Variants in NRG2 observed in about 807,000 individuals in gnomAD.
NRG2 encodes the protein pro-neuregulin-2, membrane-bound isoform.
In NRG2, 27 loss-of-function variants were observed where a neutral mutation model predicts 73.9. The observed-to-expected ratio is 0.37, with a 90% confidence interval of 0.27 to 0.50. The LOEUF (loss-of-function observed/expected upper bound fraction) is 0.50, where lower values mean the gene tolerates loss of function less well. Ranked by LOEUF, NRG2 falls within the 20% of genes least tolerant of loss-of-function variation. The pLI is 0.96. For missense variants in NRG2, 1,126 were observed against 1,210.1 expected, an observed-to-expected ratio of 0.93 and a Z score of 1.03; for synonymous variants, 532 against 541.0, an observed-to-expected ratio of 0.98 and a Z score of 0.23.
chr5:140,021,879 ATC>A (rs1248761697), intron 1 of NRG2, among the ~76,000 whole-genome samples: 1 of 152,198 alleles, frequency 6.6e-6, no homozygotes, highest in African/African-American at 2.4e-5. Context: ...AGAAGGCTCC[ATC>A]CCCAGCCCTC....
At chr5:140,007,988 A>C (rs1477346203) in intron 1 of NRG2, among the ~76,000 whole-genome samples, 1 of 152,158 alleles carries the variant, frequency 6.6e-6, no homozygotes, top group Non-Finnish European at 1.5e-5. Flanking sequence ...TCCTTACAGC[A>C]TCTCAGTCAC....
chr5:139,972,327 C>A (rs1316159116), intron 1 of NRG2, among the ~76,000 whole-genome samples: 1 of 152,144 alleles, frequency 6.6e-6, no homozygotes, highest in Non-Finnish European at 1.5e-5. Flanking sequence ...GTTTATGTCA[C>A]ACAGGAGGAA....
At chr5:139,873,825 G>A (rs1473260369) in intron 3 of NRG2, among the ~76,000 whole-genome samples, 2 of 152,236 alleles carry the variant, frequency 1.3e-5, no homozygotes, top group African/African-American at 4.8e-5. Flanking sequence ...TGCACACTTG[G>A]GCTTCTCACA....
rs1761180282 is a variant in NRG2 at position 139,848,502 on chromosome 5, C to T, written c.1968G>A (p.Pro656=). 2 of 1,365,970 alleles carry T rather than the reference C, an allele frequency of 1.5e-6. No homozygotes were observed. The highest frequency in any genetic ancestry group is 1.9e-6 in the Non-Finnish European group (2 of 1,072,768). The allele number at this position is 1,365,970 out of a possible 1,614,324, so 84.6% of individuals were successfully genotyped here. A position where few individuals can be genotyped will look rare whatever the true frequency, so the allele number is the denominator to read the frequency against. The stretch of plus-strand genomic sequence containing the variant: ...CGGGCCCGGGCCCGGGTCCGGGTCC[C>T]GGGCCGGGGGGCGCCGGGTGCCGCA... ...PLLRHPAPPG[P]GPGPGPGPGP... Residue 656 remains proline (P), a synonymous_variant, in exon 10 of 10, where the codon CCG becomes CCA. Transcript: ENST00000361474.
Position 139,848,272 on chromosome 5 carries a change from G to A in NRG2, c.2198C>T (p.Ser733Phe). The A allele has an allele frequency of 9.0e-7, 1 of 1,114,072 alleles. No individual in the cohort carries two copies. Among genetic ancestry groups the A allele is most frequent in the Non-Finnish European group, 1.1e-6 (1 of 914,322 alleles). The allele number at this position is 1,114,072 out of a possible 1,614,324, so 69.0% of individuals were successfully genotyped here. The part of the protein sequence containing the change: ...PPPRPRARGA[S>F]RRTSAGPRRW... ...CCGGGGCCCCGCCGACGTCCTGCGG[G>A]ACGCACCGCGCGCGCGCGGCCGCGG... Residue 733 changes from serine to phenylalanine, a missense_variant, in exon 10 of 10, where the codon TCC (serine) becomes TTC (phenylalanine). Physicochemically the swap from Ser to Phe is radical, Grantham distance 155 (BLOSUM62 -2). Transcript: ENST00000361474.
At chr5:139,996,994 T>G (rs1286074428) in intron 1 of NRG2, among the ~76,000 whole-genome samples, 1 of 151,294 alleles carries the variant, frequency 6.6e-6, no homozygotes, top group Non-Finnish European at 1.5e-5. Context: ...TACAAAAAAT[T>G]AGCAGGGCAT....
chr5:140,023,012 C>T (rs73262916), intron 1 of NRG2, among the ~76,000 whole-genome samples: 16,188 of 152,186 alleles, frequency 0.11, 1,302 homozygotes, highest in African/African-American at 0.22. Flanking sequence ...CTGCCTCTTC[C>T]CCCAGTTTCC....
chr5:139,989,799 T>TTA (rs1757443462), intron 1 of NRG2, among the ~76,000 whole-genome samples: 1 of 149,294 alleles, frequency 6.7e-6, no homozygotes, highest in East Asian at 1.9e-4. Flanking sequence ...TATTTTTTTA[T>TTA]TTTTTTTTGA....
chr5:139,865,707 A>T lies in NRG2; in HGVS notation c.1113-82T>A. 8.3e-7 allele frequency: 1 copy of T among 1,209,976 alleles called. No individual in the cohort carries two copies. The highest frequency in any genetic ancestry group is 1.4e-5 in the South Asian group (1 of 73,406). The allele number at this position is 1,209,976 out of a possible 1,614,324, so 75.0% of individuals were successfully genotyped here. A position where few individuals can be genotyped will look rare whatever the true frequency, so the allele number is the denominator to read the frequency against. ...AGGTTAGAAATCAAAGTGCACAGTG[A>T]TGAATGAGAAAAACCAAGTCAGGCA... On this transcript the variant is annotated intron_variant, in intron 4 of 9. Transcript: ENST00000361474. This position sits in a 1 kb window ranked among gnomAD's most constrained non-coding sequence, Gnocchi z 5.2.
At chr5:140,036,529 T>C (rs942338184) in intron 1 of NRG2, among the ~76,000 whole-genome samples, 3 of 152,220 alleles carry the variant, frequency 2.0e-5, no homozygotes, top group Non-Finnish European at 4.4e-5. Context: ...TGTTCAAACT[T>C]GTCATAATTT....
At chr5:140,042,339 C>A (rs1761996289) in intron 1 of NRG2, 31 bp downstream of exon 1, 1 of 1,470,752 alleles carries the variant, frequency 6.8e-7, no homozygotes, top group South Asian at 1.4e-5. Flanking sequence ...CCCCTCCCCC[C>A]TTTCTCCAGC....
intron 1 of NRG2, among the ~76,000 whole-genome samples, chr5:139,906,585 G>C: frequency 6.6e-6 from 1 of 152,200 alleles, no homozygotes; most frequent in East Asian, 1.9e-4. Flanking sequence ...TTGGTAAATA[G>C]GTAGTCAGGC....
intron 1 of NRG2, among the ~76,000 whole-genome samples, chr5:139,974,630 T>C (rs1756239723): frequency 6.6e-6 from 1 of 152,192 alleles, no homozygotes; most frequent in African/African-American, 2.4e-5. Flanking sequence ...AGTGAGAGCC[T>C]ACATCATTAA....
At chr5:140,012,271 C>T (rs1359306306) in intron 1 of NRG2, among the ~76,000 whole-genome samples, 2 of 152,216 alleles carry the variant, frequency 1.3e-5, no homozygotes, top group Admixed American at 1.3e-4. Flanking sequence ...TTGTGCTCCC[C>T]CTTACCTTGT....
chr5:139,913,087 T>G (rs1209103151), intron 1 of NRG2, among the ~76,000 whole-genome samples: 1 of 152,182 alleles, frequency 6.6e-6, no homozygotes, highest in African/African-American at 2.4e-5. Context: ...GTGGGGCTGC[T>G]CATGGGAAGT....
At chr5:140,016,477 A>G (rs1021456137) in intron 1 of NRG2, among the ~76,000 whole-genome samples, 1 of 152,216 alleles carries the variant, frequency 6.6e-6, no homozygotes, top group Non-Finnish European at 1.5e-5. Flanking sequence ...GCTGTCATTC[A>G]TTCATAAAAT....
intron 1 of NRG2, among the ~76,000 whole-genome samples, chr5:139,962,677 G>C (rs943249785): frequency 1.1e-4 from 16 of 152,146 alleles, no homozygotes; most frequent in Admixed American, 9.2e-4. Context: ...CAGAAGGCAG[G>C]GAGGAACTGA....
rs925596788 is a variant in NRG2, at chr5:140,025,466, G to A, written c.700+16904C>T. Among the ~76,000 whole-genome samples the A allele has an allele frequency of 2.6e-5, 4 of 152,146 alleles. No homozygotes were observed. The South Asian group carries it at 8.3e-4, about 32-fold the overall frequency. The stretch of plus-strand genomic sequence containing the variant: ...TTCCCTCAGTTAATGTTTATTGAGC[G>A]CCTATTACGCACCAAGTACCATGAA... On this transcript the variant is annotated intron_variant, in intron 1 of 9. Coordinates refer to ENST00000361474, the MANE Select transcript of NRG2 (RefSeq NM_004883.3).
At position 139,915,915 on chromosome 5, in the gene NRG2, G is replaced by T; in HGVS notation, c.701-28404C>A. On this transcript the variant is annotated intron_variant, in intron 1 of 9. Coordinates refer to ENST00000361474, the MANE Select transcript of NRG2 (RefSeq NM_004883.3). The surrounding 1 kb of genome is among the most constrained non-coding windows in gnomAD (Gnocchi z 4.0). Reference sequence around the variant, plus strand: ...ATATTACATTTTGACTGACATGTAGGAAGTCATGGAGATAAGGCTAAAAAG... The same window carrying T: ...ATATTACATTTTGACTGACATGTAGTAAGTCATGGAGATAAGGCTAAAAAG... 6.6e-6 allele frequency among the ~76,000 whole-genome samples: 1 copy of T among 152,166 alleles called. No homozygotes were observed. Among genetic ancestry groups the T allele is most frequent in the Non-Finnish European group, 1.5e-5 (1 of 68,034 alleles).
Sources: gnomAD v4.1 joint callset for allele counts (sites outside exome capture counted in the v4.1 genomes callset) on GRCh38, gnomAD v4.1.1 for gene constraint, Gnocchi (gnomAD v3.1) non-coding constraint, MANE v1.5 for transcripts, NCBI Gene and HGNC (gene_info 2026-07-23, HGNC 2026-07-21) for gene names.